The following RECQL variants were observed in gnomAD, a reference collection of about 807,000 sequenced individuals.
RECQL encodes RecQ like helicase.
Under a neutral mutation model 75.8 loss-of-function variants are expected in RECQL, and 73 were observed. The observed-to-expected ratio is 0.96, with a 90% CI of 0.80 to 1.17. The LOEUF (loss-of-function observed/expected upper bound fraction) is 1.17, where lower values mean the gene tolerates loss of function less well. Among genes scored for constraint, RECQL ranks in the 50% most tolerant of loss-of-function variants. RECQL has a pLI of 0.00. For missense variants in RECQL, 699 were observed against 772.1 expected (o/e 0.91, Z 1.12); for synonymous variants, 248 against 254.4 (o/e 0.97, Z 0.24).
chr12:21,473,963 G>A (rs1943033397), intron 11 of RECQL, among the ~76,000 whole-genome samples: 1 of 152,080 alleles, frequency 6.6e-6, no homozygotes, highest in South Asian at 2.1e-4. Flanking sequence ...GCCATGTGAG[G>A]TAACATACAG....
chr12:21,473,235 G>A (rs892311760), intron 12 of RECQL, among the ~76,000 whole-genome samples: 8 of 151,886 alleles, frequency 5.3e-5, no homozygotes, highest in African/African-American at 9.7e-5. Flanking sequence ...TTTTTGAGAC[G>A]GAGTCTCGCT....
chr12:21,472,933 C>A (rs988070038), intron 12 of RECQL, among the ~76,000 whole-genome samples: 1 of 152,046 alleles, frequency 6.6e-6, no homozygotes, highest in African/African-American at 2.4e-5. Flanking sequence ...CAGAAAAATT[C>A]AAATATTTTC....
chr12:21,474,464 A>G (rs1399358287), intron 11 of RECQL, among the ~76,000 whole-genome samples: 1 of 152,056 alleles, frequency 6.6e-6, no homozygotes, highest in Non-Finnish European at 1.5e-5. Context: ...TCATTGACAC[A>G]TGAGCTGGCA....
At chr12:21,498,296 A>G (rs146796035) in intron 2 of RECQL, among the ~76,000 whole-genome samples, 81 of 152,320 alleles carry the variant, frequency 5.3e-4, no homozygotes, top group African/African-American at 1.9e-3. Context: ...ATGGCATGCT[A>G]TACATCAGTG....
At chr12:21,497,398 A>G (rs968608286) in intron 2 of RECQL, among the ~76,000 whole-genome samples, 3 of 152,186 alleles carry the variant, frequency 2.0e-5, no homozygotes, top group African/African-American at 7.2e-5. Flanking sequence ...CAACTAAAGC[A>G]CTCTAGCATC....
rs1360583376 is a variant in RECQL, at chr12:21,469,716, A to G, written c.*478T>C. ...TTTTTTAAGCTCATCAGCTATCATC[A>G]GTGTTAGCATATTTTATGTGCGGCC... On this transcript the variant is annotated 3_prime_UTR_variant, in exon 15 of 15. Coordinates refer to ENST00000444129, the MANE Select transcript of RECQL (RefSeq NM_002907.4). The G allele has an allele frequency of 6.7e-6, 1 of 150,146 alleles. No individual in the cohort carries two copies. Among genetic ancestry groups the G allele is most frequent in the East Asian group, 2.0e-4 (1 of 5,098 alleles). 9.3% of individuals were successfully genotyped at this position (150,146 alleles called of 1,614,324 possible).
In RECQL at chr12:21,483,374, A is replaced by G; in HGVS notation, c.700+2T>C. On this transcript the variant is annotated splice_donor_variant, in intron 6 of 14. Transcript: ENST00000444129. LOFTEE classifies it high-confidence loss of function. ...AAAGTTTTCTAGATAAAACATACAT[A>G]CCAGGTCTGAAATCATGTCCCCACT... 1 of 1,596,068 alleles carries G rather than the reference A, an allele frequency of 6.3e-7. No individual in the cohort carries two copies. The highest frequency in any genetic ancestry group is 8.5e-7 in the Non-Finnish European group (1 of 1,172,660).
At chr12:21,491,837 G>T in intron 2 of RECQL, 121 bp from the exon 3 acceptor site, 1 of 861,556 alleles carries the variant, frequency 1.2e-6, no homozygotes, top group Non-Finnish European at 1.7e-6. Context: ...TAGTATAGCA[G>T]AATGGTTATG....
At chr12:21,478,369 A>G (rs1246566753) in intron 6 of RECQL, among the ~76,000 whole-genome samples, 1 of 152,170 alleles carries the variant, frequency 6.6e-6, no homozygotes. Context: ...AAGCATCTAC[A>G]TCACTAGATA....
At chr12:21,489,745 T>C (rs1281265232) in intron 4 of RECQL, among the ~76,000 whole-genome samples, 2 of 152,316 alleles carry the variant, frequency 1.3e-5, no homozygotes, top group East Asian at 3.9e-4. Flanking sequence ...TGGTTAACAA[T>C]AATTTAGATA....
intron 10 of RECQL, among the ~76,000 whole-genome samples, 189 bp downstream of exon 10, chr12:21,475,279 G>GA (rs1943061867): frequency 2.0e-5 from 3 of 151,890 alleles, no homozygotes; most frequent in African/African-American, 4.8e-5. Flanking sequence ...CACATAAAAA[G>GA]AAACAATTCA....
chr12:21,470,937 A>G, intron 14 of RECQL, 32 bp downstream of exon 14: 1 of 1,398,758 alleles, frequency 7.1e-7, no homozygotes, highest in East Asian at 2.9e-5. Flanking sequence ...ACTTTTTAAA[A>G]TATATAAAAC....
chr12:21,498,300 A>G (rs547934375), intron 2 of RECQL, among the ~76,000 whole-genome samples: 1 of 152,296 alleles, frequency 6.6e-6, no homozygotes, highest in South Asian at 2.1e-4. Context: ...CATGCTATAC[A>G]TCAGTGAATA....
chr12:21,478,370 T>A (rs184566558), intron 6 of RECQL, among the ~76,000 whole-genome samples: 1 of 152,224 alleles, frequency 6.6e-6, no homozygotes, highest in Non-Finnish European at 1.5e-5. Context: ...AGCATCTACA[T>A]CACTAGATAA....
At chr12:21,489,662 C>T (rs1359550630) in intron 4 of RECQL, among the ~76,000 whole-genome samples, 1 of 152,186 alleles carries the variant, frequency 6.6e-6, no homozygotes, top group Non-Finnish European at 1.5e-5. Context: ...AGCTGCTTCT[C>T]CTACAACATT....
rs1200352799 is a variant in RECQL, at chr12:21,469,408, G to GTGTT, written c.*782_*785dup. 4 of 151,232 alleles carry GTGTT rather than the reference G, an allele frequency of 2.6e-5. No homozygotes were observed. The Admixed American group carries it at 2.7e-4, about 10-fold the overall frequency. The allele number at this position is 151,232 out of a possible 1,614,324, so 9.4% of individuals were successfully genotyped here. A position where few individuals can be genotyped will look rare whatever the true frequency, so the allele number is the denominator to read the frequency against. On this transcript the variant is annotated 3_prime_UTR_variant, in exon 15 of 15. Coordinates refer to ENST00000444129, the MANE Select transcript of RECQL (RefSeq NM_002907.4). Reference sequence around the variant, plus strand: ...TTTTTAAGCTCATCAGCTATCGTCAGTGTTAGCATATTTTATGTGCGGCCC... The same window carrying GTGTT: ...TTTTTAAGCTCATCAGCTATCGTCAGTGTTTGTTAGCATATTTTATGTGCGGCCC...
intron 4 of RECQL, among the ~76,000 whole-genome samples, chr12:21,489,145 G>C (rs1943361377): frequency 6.6e-6 from 1 of 152,260 alleles, no homozygotes; most frequent in South Asian, 2.1e-4. Flanking sequence ...TATTGCAATT[G>C]CTTGCAATTA....
At position 21,471,652 on chromosome 12, in the gene RECQL, A is replaced by G; in HGVS notation, c.1448-5T>C. On this transcript the variant is annotated splice_polypyrimidine_tract_variant and splice_region_variant and intron_variant, in intron 12 of 14. Coordinates refer to ENST00000444129, the MANE Select transcript of RECQL (RefSeq NM_002907.4). The stretch of plus-strand genomic sequence containing the variant: ...TTATGTTCTTTCTTTCAAATGCTGT[A>G]ATAAAACAAATATGGTAGCAGGTAA... The G allele has an allele frequency of 6.2e-7, 1 of 1,601,074 alleles. No homozygotes were observed. The highest frequency in any genetic ancestry group is 8.6e-7 in the Non-Finnish European group (1 of 1,168,580).
At chr12:21,485,735 G>T (rs1433242356) in intron 5 of RECQL, among the ~76,000 whole-genome samples, 3 of 152,038 alleles carry the variant, frequency 2.0e-5, no homozygotes, top group Non-Finnish European at 4.4e-5. Flanking sequence ...GAGGAAAGGG[G>T]TAGGGAAAAC....
Sources: gnomAD v4.1 joint callset for allele counts (sites outside exome capture counted in the v4.1 genomes callset) on GRCh38, gnomAD v4.1.1 for gene constraint, MANE v1.5 for transcripts, NCBI Gene and HGNC (gene_info 2026-07-23, HGNC 2026-07-21) for gene names.